Variants in PRKCA observed in about 807,000 individuals in gnomAD.
The protein encoded by PRKCA is protein kinase C alpha, also known as protein kinase C alpha type.
In PRKCA, 27 loss-of-function variants were observed where a neutral mutation model predicts 87.0. The ratio of observed to expected loss-of-function variants is 0.31; its 90% CI spans 0.23 to 0.43. PRKCA has a LOEUF of 0.43. Among genes scored for constraint, PRKCA ranks in the 20% least tolerant of loss-of-function variants. The pLI is 1.00. For synonymous variants in PRKCA, 329 were observed against 311.1 expected (o/e 1.06, Z -0.61); for missense variants, 518 against 852.3 (o/e 0.61, Z 4.88).
chr17:66,465,644 C>T (rs1346623989), intron 2 of PRKCA, among the ~76,000 whole-genome samples: 1 of 151,970 alleles, frequency 6.6e-6, no homozygotes, highest in Non-Finnish European at 1.5e-5. Flanking sequence ...AGCAGTCCTC[C>T]CACCTTGGCC....
intron 2 of PRKCA, among the ~76,000 whole-genome samples, chr17:66,329,739 C>T (rs1467974524): frequency 2.0e-5 from 3 of 152,110 alleles, no homozygotes; most frequent in East Asian, 1.9e-4. Flanking sequence ...GGAGCTTCAT[C>T]GTAATGGGCA....
intron 2 of PRKCA, among the ~76,000 whole-genome samples, chr17:66,486,646 C>T (rs963652340): frequency 6.6e-6 from 1 of 152,092 alleles, no homozygotes; most frequent in Non-Finnish European, 1.5e-5. Flanking sequence ...TTGCAGTTCT[C>T]CCTCACCATG....
In PRKCA at chr17:66,810,426, A is replaced by C. The variant is rs1976137511; in HGVS notation, c.*6389A>C. 1 of 152,246 alleles carries C rather than the reference A, an allele frequency of 6.6e-6. No homozygotes were observed. Among genetic ancestry groups the C allele is most frequent in the Non-Finnish European group, 1.5e-5 (1 of 68,044 alleles). The allele number at this position is 152,246 out of a possible 1,614,324, so 9.4% of individuals were successfully genotyped here. ...CATTTGAAGTCATTGCTTTTGCTACATGATTTGTGTGTGTGAAGGACATAC... is the reference window on the plus strand; with the variant it reads ...CATTTGAAGTCATTGCTTTTGCTACCTGATTTGTGTGTGTGAAGGACATAC... On this transcript the variant is annotated 3_prime_UTR_variant, in exon 17 of 17. Transcript: ENST00000413366.
intron 3 of PRKCA, among the ~76,000 whole-genome samples, chr17:66,533,692 A>C (rs1967650577): frequency 7.1e-6 from 1 of 141,494 alleles, no homozygotes; most frequent in South Asian, 2.1e-4. Flanking sequence ...GAGACTGTCC[A>C]GGCTGCCGCC....
chr17:66,639,629 C>G (rs1458797520), intron 3 of PRKCA, among the ~76,000 whole-genome samples: 1 of 151,438 alleles, frequency 6.6e-6, no homozygotes, highest in Non-Finnish European at 1.5e-5. Context: ...CTCAGGTGAT[C>G]TGACTGCCTC....
At chr17:66,419,923 C>T (rs1912387444) in intron 2 of PRKCA, among the ~76,000 whole-genome samples, 1 of 151,544 alleles carries the variant, frequency 6.6e-6, no homozygotes, top group South Asian at 2.1e-4. Flanking sequence ...TACTGAGCCA[C>T]AGCAATGTGT....
In PRKCA at chr17:66,689,587, C is replaced by A. The variant is rs1192414257; in HGVS notation, c.918+540C>A. On this transcript the variant is annotated intron_variant, in intron 8 of 16. Transcript: ENST00000413366. The surrounding 1 kb of genome is among the most constrained non-coding windows in gnomAD (Gnocchi z 4.1). ...TTAGCAAAGGCCACCTCCTTCTCTT[C>A]TTCCTCTTGGTATTTGTGTTTGCCT... 6.6e-6 allele frequency among the ~76,000 whole-genome samples: 1 copy of A among 152,178 alleles called. No individual in the cohort carries two copies. Among genetic ancestry groups the A allele is most frequent in the African/African-American group, 2.4e-5 (1 of 41,448 alleles).
intron 8 of PRKCA, among the ~76,000 whole-genome samples, chr17:66,692,023 T>C (rs1316030536): frequency 3.3e-5 from 5 of 152,194 alleles, no homozygotes; most frequent in Admixed American, 6.5e-5. Context: ...AGCATTTCTC[T>C]TGGGAGGCTG....
At chr17:66,429,880 T>C (rs1456457254) in intron 2 of PRKCA, among the ~76,000 whole-genome samples, 1 of 152,144 alleles carries the variant, frequency 6.6e-6, no homozygotes, top group Non-Finnish European at 1.5e-5. Context: ...TAAGACCTTT[T>C]ACTGAAGTGA....
chr17:66,497,528 C>T (rs559527849), intron 3 of PRKCA, among the ~76,000 whole-genome samples: 72 of 149,954 alleles, frequency 4.8e-4, no homozygotes, highest in African/African-American at 1.7e-3. Flanking sequence ...AAAGGAGTCA[C>T]GGAAAATACC....
chr17:66,424,184 A>G (rs1912652507), intron 2 of PRKCA, among the ~76,000 whole-genome samples: 1 of 152,170 alleles, frequency 6.6e-6, no homozygotes. Flanking sequence ...GAGAAAAGCA[A>G]CAGCAAGTAT....
At chr17:66,778,651 A>G (rs1975123571) in intron 14 of PRKCA, among the ~76,000 whole-genome samples, 1 of 152,132 alleles carries the variant, frequency 6.6e-6, no homozygotes, top group Non-Finnish European at 1.5e-5. Context: ...GTTCGAGACC[A>G]GGGCAACATG....
chr17:66,686,043 G>T (rs886245053), intron 5 of PRKCA, among the ~76,000 whole-genome samples: 1 of 152,202 alleles, frequency 6.6e-6, no homozygotes, highest in Admixed American at 6.5e-5. Flanking sequence ...TGTCTGACCA[G>T]TTGGGTATCT....
intron 1 of PRKCA, among the ~76,000 whole-genome samples, chr17:66,304,963 C>T (rs67700546): frequency 0.36 from 54,428 of 151,962 alleles, 10,246 homozygotes; most frequent in East Asian, 0.57. Context: ...AAGGGACTTG[C>T]AGCATACTGA....
chr17:66,424,502 G>A (rs1912673132), intron 2 of PRKCA, among the ~76,000 whole-genome samples: 1 of 151,474 alleles, frequency 6.6e-6, no homozygotes, highest in Admixed American at 6.6e-5. Flanking sequence ...AGGAGGCAGA[G>A]ATTGCACTGA....
At chr17:66,368,489 C>G (rs564173529) in intron 2 of PRKCA, among the ~76,000 whole-genome samples, 10 of 145,072 alleles carry the variant, frequency 6.9e-5, no homozygotes, top group Non-Finnish European at 1.2e-4. Flanking sequence ...CTCCCAGGCT[C>G]AAGTGATCCT....
At chr17:66,623,100 T>TTCTTTGGTAAA (rs1162426882) in intron 3 of PRKCA, among the ~76,000 whole-genome samples, 1 of 152,260 alleles carries the variant, frequency 6.6e-6, no homozygotes, top group African/African-American at 2.4e-5. Flanking sequence ...CACTGGTCAT[T>TTCTTTGGTAAA]TCTTTGGTAA....
Position 66,427,033 on chromosome 17 carries a change from A to T in PRKCA, c.206-69168A>T, listed in dbSNP as rs184131728. Among the ~76,000 whole-genome samples, 1,329 of 151,686 alleles carry T rather than the reference A, an allele frequency of 8.8e-3. 14 individuals carry two copies. Among genetic ancestry groups the T allele is most frequent in the African/African-American group, 0.022 (890 of 41,350 alleles). On this transcript the variant is annotated intron_variant, in intron 2 of 16. Coordinates refer to ENST00000413366, the MANE Select transcript of PRKCA (RefSeq NM_002737.3). ...ATGAGACACCAGCCACTTAAAAAAA[A>T]ATTTTTTTTTTAATTTTTAAGAGAC... is the stretch of plus-strand genomic sequence containing the variant.
intron 3 of PRKCA, among the ~76,000 whole-genome samples, chr17:66,522,329 A>T (rs1327854546): frequency 6.6e-6 from 1 of 152,136 alleles, no homozygotes; most frequent in Non-Finnish European, 1.5e-5. Context: ...TGCAGTTTCT[A>T]TGTTTATTTC....
Sources: gnomAD v4.1 joint callset for allele counts (sites outside exome capture counted in the v4.1 genomes callset) on GRCh38, gnomAD v4.1.1 for gene constraint, Gnocchi (gnomAD v3.1) non-coding constraint, MANE v1.5 for transcripts, NCBI Gene and HGNC (gene_info 2026-07-23, HGNC 2026-07-21) for gene names.